MAP7: variants seen among roughly 807,000 people sequenced by gnomAD.
MAP7 encodes the protein microtubule associated protein 7, also known as ensconsin.
A neutral mutation model predicts 94.8 loss-of-function variants in MAP7; 52 were observed. That is an observed-to-expected ratio of 0.55 (90% confidence interval 0.44 to 0.69). MAP7 has a LOEUF of 0.69. Ranked by LOEUF, MAP7 falls within the 30% of genes least tolerant of loss-of-function variation. MAP7 has a pLI of 0.00. For synonymous variants in MAP7, 350 were observed against 357.0 expected (o/e 0.98, Z 0.22); for missense variants, 940 against 964.6 (o/e 0.97, Z 0.34).
At chr6:136,534,968 G>A (rs1562493051) in intron 1 of MAP7, among the ~76,000 whole-genome samples, 2 of 151,990 alleles carry the variant, frequency 1.3e-5, no homozygotes, top group South Asian at 2.1e-4. Context: ...TGGATAAAAC[G>A]CTTTTCATGA....
intron 1 of MAP7, among the ~76,000 whole-genome samples, chr6:136,498,440 C>T (rs779354194): frequency 2.3e-4 from 35 of 152,034 alleles, no homozygotes; most frequent in Non-Finnish European, 7.4e-5. Flanking sequence ...AATTTATGTA[C>T]TTTTCTTTCC....
At chr6:136,472,079 G>C (rs1809219615) in intron 1 of MAP7, among the ~76,000 whole-genome samples, 1 of 152,180 alleles carries the variant, frequency 6.6e-6, no homozygotes. Flanking sequence ...GCTAGCAAGA[G>C]TCAATTGATT....
intron 3 of MAP7, among the ~76,000 whole-genome samples, chr6:136,400,101 G>GT (rs369167329): frequency 7.3e-5 from 11 of 150,686 alleles, no homozygotes; most frequent in East Asian, 1.9e-4. Flanking sequence ...CTACAAAAAA[G>GT]TTTTTTTTTC....
chr6:136,535,919 C>A (rs1828848717), intron 1 of MAP7, among the ~76,000 whole-genome samples: 1 of 151,922 alleles, frequency 6.6e-6, no homozygotes, highest in East Asian at 1.9e-4. Flanking sequence ...ACGACAGGCC[C>A]CAGTGTGTGA....
At chr6:136,421,639 G>A in intron 2 of MAP7, 62 bp downstream of exon 2, 1 of 1,410,414 alleles carries the variant, frequency 7.1e-7, no homozygotes, top group Non-Finnish European at 1.0e-6. Flanking sequence ...ATAATCATCA[G>A]CATGCCTTTA....
chr6:136,514,592 A>AG lies in MAP7; in HGVS notation c.67+35749_67+35750insC, dbSNP rs1468210816. 6.9e-4 allele frequency among the ~76,000 whole-genome samples: 105 copies of AG among 151,154 alleles called. 1 individual carries two copies. Among genetic ancestry groups the AG allele is most frequent in the African/African-American group, 2.5e-3 (102 of 41,272 alleles). ...CAAGACTCTGTCTCAAAAAAAAAAA[A>AG]AAAAAAAAAAAAAAAGAAAACAACA... On this transcript the variant is annotated intron_variant, in intron 1 of 17. Coordinates refer to ENST00000354570, the MANE Select transcript of MAP7 (RefSeq NM_003980.6).
intron 1 of MAP7, chr6:136,526,135 G>C: frequency 1.5e-6 from 2 of 1,316,432 alleles, no homozygotes; most frequent in Non-Finnish European, 1.9e-6. Context: ...GATAGTACCA[G>C]CCACTTGGCA....
chr6:136,348,081 A>G (rs979279744), intron 16 of MAP7, among the ~76,000 whole-genome samples: 5 of 147,764 alleles, frequency 3.4e-5, no homozygotes, highest in Admixed American at 6.8e-5. Context: ...GGGCTGCCAC[A>G]CCCATCTTCC....
intron 5 of MAP7, among the ~76,000 whole-genome samples, chr6:136,384,460 T>C (rs551399055): frequency 2.0e-5 from 3 of 152,262 alleles, no homozygotes; most frequent in Non-Finnish European, 4.4e-5. Context: ...AACAATAGCA[T>C]TGTTCATCCT....
chr6:136,362,425 G>A (rs752419944), intron 11 of MAP7, 25 bp downstream of exon 11: 1 of 1,611,280 alleles, frequency 6.2e-7, no homozygotes, highest in Non-Finnish European at 8.5e-7. Flanking sequence ...TGACACCATG[G>A]TGTGGAGCAA....
intron 16 of MAP7, among the ~76,000 whole-genome samples, chr6:136,350,142 T>G (rs1011336502): frequency 6.6e-6 from 1 of 152,178 alleles, no homozygotes; most frequent in African/African-American, 2.4e-5. Flanking sequence ...CCACTATACT[T>G]GCATGATCTG....
chr6:136,401,143 G>A (rs1783949573), intron 3 of MAP7, among the ~76,000 whole-genome samples: 1 of 152,150 alleles, frequency 6.6e-6, no homozygotes, highest in Admixed American at 6.5e-5. Flanking sequence ...GAGCTCAGGA[G>A]TTTGAGACTA....
intron 1 of MAP7, among the ~76,000 whole-genome samples, chr6:136,549,278 A>G (rs1395774209): frequency 2.0e-5 from 3 of 152,186 alleles, no homozygotes; most frequent in African/African-American, 7.2e-5. Context: ...ACAGCTTGCA[A>G]TTGGAGAGTC....
intron 3 of MAP7, among the ~76,000 whole-genome samples, chr6:136,392,052 C>T (rs1476157166): frequency 6.6e-6 from 1 of 152,208 alleles, no homozygotes; most frequent in African/African-American, 2.4e-5. Context: ...ACACCATGCA[C>T]CTTGTACCAA....
At chr6:136,504,683 C>CT (rs1259360732) in intron 1 of MAP7, among the ~76,000 whole-genome samples, 4 of 151,208 alleles carry the variant, frequency 2.6e-5, no homozygotes, top group Non-Finnish European at 5.9e-5. Context: ...AAATATTTAC[C>CT]TTTAAAAAAA....
At chr6:136,404,879 G>C (rs1785137175) in intron 3 of MAP7, among the ~76,000 whole-genome samples, 1 of 152,068 alleles carries the variant, frequency 6.6e-6, no homozygotes, top group South Asian at 2.1e-4. Context: ...ACATATTGTA[G>C]AACTATTAGT....
chr6:136,410,811 GAAC>G (rs1008643201), intron 3 of MAP7, among the ~76,000 whole-genome samples: 1 of 152,194 alleles, frequency 6.6e-6, no homozygotes, highest in African/African-American at 2.4e-5. Flanking sequence ...ACAAAATGCA[GAAC>G]AACTTTAAGA....
At chr6:136,441,851 C>CA (rs1797963503) in intron 1 of MAP7, among the ~76,000 whole-genome samples, 1 of 152,014 alleles carries the variant, frequency 6.6e-6, no homozygotes, top group African/African-American at 2.4e-5. Flanking sequence ...CCTGTCTCTA[C>CA]AAAAAATAAA....
rs186865063 is a variant in MAP7 at position 136,464,847 on chromosome 6, A to G, written c.68-43048T>C. Reference sequence around the variant, plus strand: ...TGGGATACATCAGTGAACAAAACAGATAACATCCCCTGCCCTCTATGAGCA... The same window carrying G: ...TGGGATACATCAGTGAACAAAACAGGTAACATCCCCTGCCCTCTATGAGCA... On this transcript the variant is annotated intron_variant, in intron 1 of 17. Transcript: ENST00000354570. Among the ~76,000 whole-genome samples the G allele has an allele frequency of 2.3e-3, 345 of 152,360 alleles. 6 individuals carry two copies. Among genetic ancestry groups the G allele is most frequent in the Non-Finnish European group, 5.3e-4 (36 of 68,040 alleles).
Sources: allele counts gnomAD v4.1 joint callset (sites outside exome capture counted in the v4.1 genomes callset), GRCh38; gene constraint gnomAD v4.1.1; transcripts MANE v1.5; gene names NCBI Gene and HGNC (gene_info 2026-07-23, HGNC 2026-07-21).